Variants in TEX9 observed in about 807,000 individuals in gnomAD.
TEX9 encodes the protein testis-expressed protein 9.
TEX9 carries 74 observed loss-of-function variants against 59.6 expected under a neutral mutation model. The observed-to-expected ratio is 1.24, with a 90% CI of 1.03 to 1.51. TEX9 has a LOEUF of 1.51. Ranked by LOEUF, TEX9 falls within the 40% of genes most tolerant of loss-of-function variation. TEX9 has a pLI of 0.00. For synonymous variants in TEX9, 186 were observed against 152.2 expected (o/e 1.22, Z -1.64); for missense variants, 522 against 447.8 (o/e 1.17, Z -1.49).
chr15:56,260,967 G>A (rs553426592), intron 1 of TEX9, among the ~76,000 whole-genome samples: 6 of 151,594 alleles, frequency 4.0e-5, no homozygotes, highest in Non-Finnish European at 8.8e-5. Flanking sequence ...TTTAGATGAC[G>A]TGATTTTATA....
chr15:56,361,293 A>C (rs2046784304), upstream of TEX9, among the ~76,000 whole-genome samples: 1 of 152,206 alleles, frequency 6.6e-6, no homozygotes, highest in African/African-American at 2.4e-5. Flanking sequence ...TTGAAGGTAG[A>C]CATTCAGAGT....
intron 1 of TEX9, among the ~76,000 whole-genome samples, chr15:56,289,417 C>A (rs1158956812): frequency 6.6e-6 from 1 of 152,146 alleles, no homozygotes; most frequent in Non-Finnish European, 1.5e-5. Context: ...AATATAAAGG[C>A]ACTTGCTGGG....
chr15:56,407,342 C>G (rs1386284376), intron 9 of TEX9, among the ~76,000 whole-genome samples: 1 of 151,954 alleles, frequency 6.6e-6, no homozygotes, highest in African/African-American at 2.4e-5. Flanking sequence ...CTGGAGTTTT[C>G]TTTTGGAAGG....
chr15:56,381,291 T>C (rs1454018488), intron 3 of TEX9, among the ~76,000 whole-genome samples: 1 of 152,214 alleles, frequency 6.6e-6, no homozygotes, highest in Non-Finnish European at 1.5e-5. Flanking sequence ...TCTGATAGAA[T>C]TTTGAATTCC....
intron 3 of TEX9, 151 bp from the exon 4 acceptor site, chr15:56,383,801 T>G: frequency 1.8e-6 from 1 of 542,266 alleles, no homozygotes; most frequent in Non-Finnish European, 3.3e-6. Context: ...AGACCTTATC[T>G]TCATACTATA....
intron 12 of TEX9, chr15:56,429,099 T>TA (rs1466466328): frequency 5.1e-6 from 8 of 1,572,950 alleles, no homozygotes; most frequent in Middle Eastern, 1.7e-4. Context: ...ATTTTGATGA[T>TA]ATCATTTCTC....
At chr15:56,436,883 C>A (rs1246537723) in intron 12 of TEX9, among the ~76,000 whole-genome samples, 3 of 152,162 alleles carry the variant, frequency 2.0e-5, no homozygotes, top group African/African-American at 7.2e-5. Flanking sequence ...GACACATACA[C>A]CCTCCCAAGA....
chr15:56,431,420 T>G lies in TEX9; in HGVS notation c.*29+2947T>G, dbSNP rs528031232. On this transcript the variant is annotated intron_variant, in intron 12 of 12. Transcript: ENST00000352903. Reference sequence around the variant, plus strand: ...TTTGTAGCATGCTCTTTAAGAAGTTTTAGCCTTTCTTCTTCAATAATTGCA... The same window carrying G: ...TTTGTAGCATGCTCTTTAAGAAGTTGTAGCCTTTCTTCTTCAATAATTGCA... 31 of 1,613,656 alleles carry G rather than the reference T, an allele frequency of 1.9e-5. No individual in the cohort carries two copies. In the South Asian group the frequency reaches 3.3e-4, roughly 17 times the overall value.
intron 1 of TEX9, among the ~76,000 whole-genome samples, chr15:56,341,880 A>T (rs2046378278): frequency 6.6e-6 from 1 of 152,142 alleles, no homozygotes; most frequent in Non-Finnish European, 1.5e-5. Context: ...AAAAATGCTG[A>T]TGATTTTAGA....
intron 12 of TEX9, chr15:56,433,989 C>G (rs1325454591): frequency 1.2e-6 from 1 of 834,352 alleles, no homozygotes; most frequent in South Asian, 3.1e-5. Context: ...TTTCTAGAAG[C>G]AAAAATGGTC....
At chr15:56,430,496 A>G (rs1163676984) in intron 12 of TEX9, among the ~76,000 whole-genome samples, 9 of 152,168 alleles carry the variant, frequency 5.9e-5, no homozygotes, top group African/African-American at 1.9e-4. Context: ...ATGAGTTGCC[A>G]TGCCCAGCCA....
chr15:56,354,619 AT>A (rs1291219391), intron 1 of TEX9, among the ~76,000 whole-genome samples: 2 of 152,228 alleles, frequency 1.3e-5, no homozygotes, highest in Non-Finnish European at 2.9e-5. Flanking sequence ...TCACATTTCA[AT>A]TCCAAGATGT....
intron 12 of TEX9, 64 bp downstream of exon 12, chr15:56,430,218 T>C (rs1212670497): frequency 1.3e-5 from 2 of 152,342 alleles, no homozygotes; most frequent in African/African-American, 4.8e-5. Context: ...TATTACTTTT[T>C]TAAGACAAGA....
chr15:56,362,582 AC>A (rs2046809178), upstream of TEX9, among the ~76,000 whole-genome samples: 1 of 152,150 alleles, frequency 6.6e-6, no homozygotes, highest in African/African-American at 2.4e-5. Context: ...ATCTATATTT[AC>A]CCATATAAAG....
In TEX9 at chr15:56,391,436, T is replaced by C; in HGVS notation, c.571+18T>C. The stretch of plus-strand genomic sequence containing the variant: ...TGGAACAGGTAGATTTTCTTTAGTT[T>C]TTTATTTTTATCTTTATAGCACAGT... On this transcript the variant is annotated intron_variant, in intron 7 of 12. Transcript: ENST00000352903. 2 of 1,470,560 alleles carry C rather than the reference T, an allele frequency of 1.4e-6. No individual in the cohort carries two copies. Among genetic ancestry groups the C allele is most frequent in the Non-Finnish European group, 1.8e-6 (2 of 1,100,824 alleles). The allele number at this position is 1,470,560 out of a possible 1,614,324, so 91.1% of individuals were successfully genotyped here.
intron 9 of TEX9, among the ~76,000 whole-genome samples, chr15:56,402,382 T>C (rs2048840698): frequency 6.6e-6 from 1 of 151,884 alleles, no homozygotes; most frequent in African/African-American, 2.4e-5. Flanking sequence ...AACTAGAAAA[T>C]CTAGAAGAAA....
At position 56,250,329 on chromosome 15, in the gene TEX9, G is replaced by A. The variant is rs143292249; in HGVS notation, c.-107+6051G>A. ...AAAAGGAGCTAAAGTTAAAAGTGGC[G>A]TGGAGGACTTGGGATGGAGCTAGAG... On this transcript the variant is annotated intron_variant, in intron 1 of 5. Transcript: ENST00000560827. Among the ~76,000 whole-genome samples the A allele has an allele frequency of 2.9e-3, 438 of 152,328 alleles. 5 individuals carry two copies. The highest frequency in any genetic ancestry group is 9.7e-3 in the African/African-American group (405 of 41,570).
chr15:56,259,577 G>A (rs2044218669), intron 1 of TEX9, among the ~76,000 whole-genome samples: 2 of 151,954 alleles, frequency 1.3e-5, no homozygotes, highest in Admixed American at 6.6e-5. Flanking sequence ...CCTATTTCTA[G>A]ATGCTCCCTT....
At chr15:56,399,331 A>C (rs1328179145) in intron 9 of TEX9, among the ~76,000 whole-genome samples, 1 of 152,242 alleles carries the variant, frequency 6.6e-6, no homozygotes, top group Non-Finnish European at 1.5e-5. Context: ...TTGGCGGGTC[A>C]CACACCCACG....
Sources: gnomAD v4.1 joint callset for allele counts (sites outside exome capture counted in the v4.1 genomes callset) on GRCh38, gnomAD v4.1.1 for gene constraint, MANE v1.5 for transcripts, NCBI Gene and HGNC (gene_info 2026-07-23, HGNC 2026-07-21) for gene names.